POLK: variants seen among roughly 807,000 people sequenced by gnomAD.
The protein encoded by POLK is polymerase (DNA directed) kappa.
Under a neutral mutation model 94.0 loss-of-function variants are expected in POLK, and 76 were observed. The ratio of observed to expected loss-of-function variants is 0.81; its 90% CI spans 0.67 to 0.98. The LOEUF (loss-of-function observed/expected upper bound fraction) is 0.98, where lower values mean the gene tolerates loss of function less well. POLK is among the 50% of genes least tolerant of loss of function. The probability of loss-of-function intolerance (pLI) is 0.00; values close to 1 mark genes in which losing one functional copy is unlikely to be tolerated. For missense variants in POLK, 954 were observed against 1,010.1 expected (o/e 0.94, Z 0.75); for synonymous variants, 349 against 325.4 (o/e 1.07, Z -0.78).
intron 1 of POLK, among the ~76,000 whole-genome samples, chr5:75,535,788 T>C (rs1415911223): frequency 1.3e-5 from 2 of 152,226 alleles, no homozygotes; most frequent in East Asian, 3.8e-4. Flanking sequence ...TGATGTGTTT[T>C]TCATCTCTAT....
chr5:75,585,938 C>T (rs1292288009), intron 9 of POLK, among the ~76,000 whole-genome samples: 1 of 152,162 alleles, frequency 6.6e-6, no homozygotes, highest in African/African-American at 2.4e-5. Context: ...TTTCTCATCT[C>T]TTCCTGCTCT....
chr5:75,518,032 T>G (rs1768400713), intron 1 of POLK, among the ~76,000 whole-genome samples: 1 of 152,188 alleles, frequency 6.6e-6, no homozygotes, highest in South Asian at 2.1e-4. Context: ...TTTGCTAGTA[T>G]TTTGTTGAGA....
chr5:75,562,358 T>C (rs1038108105), intron 3 of POLK, among the ~76,000 whole-genome samples: 3 of 152,210 alleles, frequency 2.0e-5, no homozygotes, highest in African/African-American at 7.2e-5. Context: ...CATATTGATT[T>C]GGTATCCTGA....
rs773238857 is a variant in POLK at position 75,559,512 on chromosome 5, TG to T, written c.255+6922del. Among the ~76,000 whole-genome samples the T allele has an allele frequency of 7.2e-3, 1,012 of 141,332 alleles. 44 individuals carry two copies. Among genetic ancestry groups the T allele is most frequent in the South Asian group, 0.016 (66 of 4,248 alleles). 92.7% of individuals were successfully genotyped at this position (141,332 alleles called of 152,430 possible). A position where few individuals can be genotyped will look rare whatever the true frequency, so the allele number is the denominator to read the frequency against. On this transcript the variant is annotated intron_variant, in intron 3 of 14. Transcript: ENST00000241436. ...TTTATTGATTTGGGGTTTGTTTTTT[TG>T]TTTTGTTTTGTTTTTTTTTTTTTTT... is the stretch of plus-strand genomic sequence containing the variant.
intron 3 of POLK, among the ~76,000 whole-genome samples, chr5:75,566,260 A>G (rs927701836): frequency 4.6e-5 from 7 of 152,210 alleles, no homozygotes; most frequent in Admixed American, 1.3e-4. Flanking sequence ...CTGCTCTGCC[A>G]GCAGCGAGAA....
chr5:75,585,076 G>C (rs1772396308), intron 9 of POLK, 150 bp downstream of exon 9: 1 of 608,240 alleles, frequency 1.6e-6, no homozygotes. Flanking sequence ...AGAGTCAACA[G>C]ATTGGATGTA....
In POLK at chr5:75,534,161, G is replaced by A. The variant is rs565571680; in HGVS notation, c.-13-12849G>A. Among the ~76,000 whole-genome samples the A allele has an allele frequency of 5.1e-4, 78 of 152,096 alleles. No individual in the cohort carries two copies. The South Asian group carries it at 8.3e-3, about 16-fold the overall frequency. On this transcript the variant is annotated intron_variant, in intron 1 of 14. Coordinates refer to ENST00000241436, the Ensembl canonical transcript of POLK. ...CATGCCTGTAGTCCCAGCTACTCAG[G>A]AGGCTGAGGCAGGAGAATCACTTGA...
chr5:75,583,545 G>A, intron 8 of POLK, 128 bp downstream of exon 8: 1 of 465,180 alleles, frequency 2.1e-6, no homozygotes, highest in East Asian at 3.5e-5. Flanking sequence ...GAACTATAAT[G>A]GATGATTGAA....
intron 8 of POLK, 74 bp from the exon 9 acceptor site, chr5:75,584,686 T>C: frequency 2.4e-6 from 2 of 828,414 alleles, no homozygotes; most frequent in Non-Finnish European, 1.8e-6. Flanking sequence ...AAAAAAAAAG[T>C]GTAATGAGGT....
chr5:75,605,465 G>A (rs1401699784), downstream of POLK, among the ~76,000 whole-genome samples: 8 of 152,116 alleles, frequency 5.3e-5, no homozygotes, highest in Admixed American at 5.2e-4. Flanking sequence ...ATCAAATCTA[G>A]TTCTCTTTTA....
chr5:75,511,237 C>A, upstream of POLK: 1 of 1,609,702 alleles, frequency 6.2e-7, no homozygotes, highest in Non-Finnish European at 8.5e-7. Context: ...AGGAGACCGG[C>A]CCCCGCTCCC....
exon 7 of POLK, chr5:75,581,303 A>G: frequency 6.2e-7 from 1 of 1,613,732 alleles, no homozygotes. Context: ...TGCAGCCCCC[A>G]GGAGATCCTT....
intron 11 of POLK, among the ~76,000 whole-genome samples, chr5:75,592,701 C>CA (rs753126425): frequency 0.037 from 4,859 of 132,460 alleles, 219 homozygotes; most frequent in African/African-American, 0.13. Context: ...TCTAAAACAA[C>CA]AAAAAAAAAA....
chr5:75,595,175 C>T (rs1772999729), intron 12 of POLK, among the ~76,000 whole-genome samples: 1 of 143,758 alleles, frequency 7.0e-6, no homozygotes, highest in South Asian at 2.2e-4. Context: ...TCGCTTGAAC[C>T]CGGGAAGTTG....
intron 1 of POLK, among the ~76,000 whole-genome samples, chr5:75,524,895 G>C (rs1397709160): frequency 2.0e-5 from 3 of 152,194 alleles, no homozygotes; most frequent in Non-Finnish European, 4.4e-5. Flanking sequence ...TCTAAATGCT[G>C]TATAATAGCT....
exon 15 of POLK, chr5:75,600,533 T>A (rs1773274066): frequency 2.0e-5 from 3 of 152,112 alleles, no homozygotes; most frequent in Admixed American, 2.0e-4. Context: ...CTAATGAACA[T>A]GTATCCTAGG....
intron 11 of POLK, among the ~76,000 whole-genome samples, chr5:75,592,782 A>G (rs1581101131): frequency 6.6e-6 from 1 of 151,570 alleles, no homozygotes; most frequent in Non-Finnish European, 1.5e-5. Context: ...GGTCAGGCAT[A>G]GTGGCTCATG....
the POLK span, among the ~76,000 whole-genome samples, chr5:75,608,424 G>A: frequency 6.6e-6 from 1 of 152,114 alleles, no homozygotes; most frequent in African/African-American, 2.4e-5. Flanking sequence ...CAAACTCCTG[G>A]CCTCAAGCCA....
chr5:75,562,544 A>G (rs1771044083), intron 3 of POLK, among the ~76,000 whole-genome samples: 1 of 152,170 alleles, frequency 6.6e-6, no homozygotes, highest in Non-Finnish European at 1.5e-5. Flanking sequence ...TTCCAATACT[A>G]TGTTGAATAG....
Sources: allele counts gnomAD v4.1 joint callset (sites outside exome capture counted in the v4.1 genomes callset), GRCh38; gene constraint gnomAD v4.1.1; transcripts MANE v1.5; gene names NCBI Gene and HGNC (gene_info 2026-07-23, HGNC 2026-07-21).